The following CEP89 variants were observed in gnomAD, a reference collection of about 807,000 sequenced individuals.
CEP89 encodes the protein centrosomal protein 89.
A neutral mutation model predicts 97.6 loss-of-function variants in CEP89; 95 were observed. That is an observed-to-expected ratio of 0.97 (90% CI 0.82 to 1.15). The LOEUF (loss-of-function observed/expected upper bound fraction) is 1.15, where lower values mean the gene tolerates loss of function less well. Among genes scored for constraint, CEP89 ranks in the 50% most tolerant of loss-of-function variants. The pLI, the probability that CEP89 is intolerant of heterozygous loss-of-function variation, is 0.00. For missense variants in CEP89, 869 were observed against 947.7 expected (o/e 0.92, Z 1.09); for synonymous variants, 354 against 349.1 (o/e 1.01, Z -0.16).
At chr19:32,921,073 T>A (rs1361657592) in intron 12 of CEP89, among the ~76,000 whole-genome samples, 1 of 150,422 alleles carries the variant, frequency 6.6e-6, no homozygotes, top group Non-Finnish European at 1.5e-5. Flanking sequence ...AAAAAAAAAA[T>A]TAGCCAGGCG....
chr19:32,906,536 G>A (rs1969890774), intron 14 of CEP89, among the ~76,000 whole-genome samples: 1 of 151,820 alleles, frequency 6.6e-6, no homozygotes, highest in Non-Finnish European at 1.5e-5. Flanking sequence ...TAGACTTAGT[G>A]TTCATTACAT....
At chr19:32,902,003 T>TCG (rs1345894287) in intron 14 of CEP89, among the ~76,000 whole-genome samples, 1 of 97,524 alleles carries the variant, frequency 1.0e-5, no homozygotes, top group Non-Finnish European at 2.1e-5. Context: ...TCTGTCTCTC[T>TCG]CTCTCTCTGT....
At chr19:32,911,185 G>A (rs1403899938) in intron 14 of CEP89, among the ~76,000 whole-genome samples, 7 of 152,220 alleles carry the variant, frequency 4.6e-5, no homozygotes, top group Non-Finnish European at 4.4e-5. Context: ...TGGGACCACT[G>A]TCGTATATGT....
intron 17 of CEP89, among the ~76,000 whole-genome samples, chr19:32,883,339 TTC>T (rs1045383581): frequency 1.3e-5 from 2 of 152,100 alleles, no homozygotes; most frequent in South Asian, 2.1e-4. Flanking sequence ...GCTTATTAAT[TTC>T]TGTTTTTAAT....
At chr19:32,893,953 A>G (rs919422362) in intron 16 of CEP89, among the ~76,000 whole-genome samples, 1 of 152,242 alleles carries the variant, frequency 6.6e-6, no homozygotes, top group Non-Finnish European at 1.5e-5. Flanking sequence ...TTTCAAATAA[A>G]CAACCTAATG....
At chr19:32,916,078 A>C (rs1326371732) in intron 13 of CEP89, among the ~76,000 whole-genome samples, 1 of 152,012 alleles carries the variant, frequency 6.6e-6, no homozygotes, top group Non-Finnish European at 1.5e-5. Flanking sequence ...GGAGTTTGAG[A>C]CCAGCCTGGG....
In CEP89 at chr19:32,904,740, C is replaced by T. The variant is rs186379828; in HGVS notation, c.1566-3328G>A. Among the ~76,000 whole-genome samples the T allele has an allele frequency of 3.5e-3, 528 of 151,962 alleles. 1 individual carries two copies. The highest frequency in any genetic ancestry group is 0.012 in the African/African-American group (490 of 41,464). On this transcript the variant is annotated intron_variant, in intron 14 of 18. Coordinates refer to ENST00000305768, the MANE Select transcript of CEP89 (RefSeq NM_032816.5). ...CCAAGTAGCTGGGACTACAGGCATG[C>T]GCCATCACACCCAGCGAATTTTTGT...
chr19:32,938,224 G>A (rs1970617357), intron 6 of CEP89, among the ~76,000 whole-genome samples: 1 of 152,146 alleles, frequency 6.6e-6, no homozygotes, highest in Non-Finnish European at 1.5e-5. Context: ...TCTGCACTGA[G>A]TTCAGTGACT....
At chr19:32,964,790 C>A (rs1423213199) in intron 2 of CEP89, among the ~76,000 whole-genome samples, 1 of 151,982 alleles carries the variant, frequency 6.6e-6, no homozygotes, top group African/African-American at 2.4e-5. Context: ...CAGAGAGGGG[C>A]AGGGGGAAGG....
At chr19:32,966,636 A>G (rs1364787095) in intron 1 of CEP89, among the ~76,000 whole-genome samples, 170 bp from the exon 2 acceptor site, 1 of 152,108 alleles carries the variant, frequency 6.6e-6, no homozygotes, top group Non-Finnish European at 1.5e-5. Context: ...ATCAGGCCAG[A>G]CAAGTGCACA....
At chr19:32,948,544 G>A (rs1477561666) in intron 4 of CEP89, among the ~76,000 whole-genome samples, 176 bp from the exon 5 acceptor site, 1 of 152,128 alleles carries the variant, frequency 6.6e-6, no homozygotes, top group Non-Finnish European at 1.5e-5. Flanking sequence ...GGTGGGGCTG[G>A]ATGACACTTC....
chr19:32,918,663 G>T (rs554828849), intron 12 of CEP89, among the ~76,000 whole-genome samples: 2 of 152,134 alleles, frequency 1.3e-5, no homozygotes, highest in Non-Finnish European at 2.9e-5. Flanking sequence ...GGCTGATGAG[G>T]TTTCATCTGT....
rs113325124 is a variant in CEP89, at chr19:32,879,237, G to T, written c.2277C>A (p.Gly759=). Residue 759 remains glycine (G), a synonymous_variant, in exon 19 of 19, where the codon GGC becomes GGA. Transcript: ENST00000305768. The part of the protein sequence containing the change: ...PRALVAPSLN[G]VSQADLLDGC... Reference sequence around the variant, plus strand: ...CGTCCAGCAGGTCTGCCTGAGAGACGCCATTGAGGCTGGGGGCAACCAGAG... The same window carrying T: ...CGTCCAGCAGGTCTGCCTGAGAGACTCCATTGAGGCTGGGGGCAACCAGAG... 6.2e-7 allele frequency: 1 copy of T among 1,614,202 alleles called. No homozygotes were observed. Among genetic ancestry groups the T allele is most frequent in the Non-Finnish European group, 8.5e-7 (1 of 1,180,020 alleles).
chr19:32,971,920 G>T lies in CEP89; in HGVS notation c.-46C>A. On this transcript the variant is annotated 5_prime_UTR_variant, in exon 1 of 19. In the 5' UTR this introduces an upstream ATG that the reference lacks. Coordinates refer to ENST00000305768, the MANE Select transcript of CEP89 (RefSeq NM_032816.5). ...GGACCGGGGCCTGGACTCATCAGCA[G>T]ATCTATCCACAGCCAGGGACCACTC... 2 of 1,564,336 alleles carry T rather than the reference G, an allele frequency of 1.3e-6. No homozygotes were observed. Among genetic ancestry groups the T allele is most frequent in the South Asian group, 1.2e-5 (1 of 85,796 alleles).
intron 12 of CEP89, among the ~76,000 whole-genome samples, chr19:32,922,642 G>T (rs750092113): frequency 6.6e-6 from 1 of 152,130 alleles, no homozygotes; most frequent in Non-Finnish European, 1.5e-5. Context: ...GAGGTCAGAA[G>T]TTCGAGACCA....
intron 2 of CEP89, among the ~76,000 whole-genome samples, chr19:32,962,013 C>T (rs943285380): frequency 6.7e-6 from 1 of 149,648 alleles, no homozygotes; most frequent in African/African-American, 2.5e-5. Flanking sequence ...ATAGCCTTAC[C>T]ATCAAATGGT....
At chr19:32,950,015 C>T (rs1182573475) in intron 4 of CEP89, among the ~76,000 whole-genome samples, 1 of 150,634 alleles carries the variant, frequency 6.6e-6, no homozygotes, top group East Asian at 1.9e-4. Context: ...GTAAATGGCC[C>T]CGTACTTTTT....
chr19:32,915,439 TC>T lies in CEP89; in HGVS notation c.1462del (p.Glu488AsnfsTer30). On this transcript the variant is annotated frameshift_variant, in exon 14 of 19. Coordinates refer to ENST00000305768, the MANE Select transcript of CEP89 (RefSeq NM_032816.5). LOFTEE classifies it high-confidence loss of function. The stretch of plus-strand genomic sequence containing the variant: ...TTTGGCACGTAAAATCTCCAGCTGT[TC>T]CCTGTTCTCCGCCAGCTCCTTTTCC... ...GQEKELAENR[E>X]QLEILRAKCQ... The T allele has an allele frequency of 6.2e-7, 1 of 1,613,998 alleles. No homozygotes were observed.
At chr19:32,950,909 G>A (rs902969244) in intron 4 of CEP89, among the ~76,000 whole-genome samples, 8 of 152,056 alleles carry the variant, frequency 5.3e-5, no homozygotes, top group Non-Finnish European at 1.2e-4. Flanking sequence ...AATGCATATC[G>A]TCTAATTAAA....
Sources: allele counts gnomAD v4.1 joint callset (sites outside exome capture counted in the v4.1 genomes callset), GRCh38; gene constraint gnomAD v4.1.1; transcripts MANE v1.5; gene names NCBI Gene and HGNC (gene_info 2026-07-23, HGNC 2026-07-21).